ZNF189: variants seen among roughly 807,000 people sequenced by gnomAD.
ZNF189 encodes zinc finger protein 189.
A neutral mutation model predicts 53.5 loss-of-function variants in ZNF189; 33 were observed. The ratio of observed to expected loss-of-function variants is 0.62; its 90% CI spans 0.47 to 0.82. The LOEUF (loss-of-function observed/expected upper bound fraction) is 0.82. ZNF189 is among the 40% of genes least tolerant of loss of function. The pLI is 0.00. For synonymous variants in ZNF189, 247 were observed against 238.8 expected (o/e 1.03, Z -0.32); for missense variants, 711 against 753.9 (o/e 0.94, Z 0.67).
Position 101,409,192 on chromosome 9 carries a change from A to G in ZNF189, c.1424A>G (p.Gln475Arg), listed in dbSNP as rs1051563416. The change falls in exon 3 of 3, where the codon CAA becomes CGA. Residue 475 changes from glutamine to arginine, a missense_variant. Physicochemically the swap from Gln to Arg is conservative, Grantham distance 43. Transcript: ENST00000339664. ...FSVSAHLVQH[Q>R]RIHTGEKPYL... ...GTTAGTGCTCATCTTGTACAACATC[A>G]AAGAATCCACACTGGTGAAAAGCCC... The G allele has an allele frequency of 1.1e-5, 18 of 1,614,112 alleles. No homozygotes were observed. The highest frequency in any genetic ancestry group is 1.5e-5 in the Non-Finnish European group (18 of 1,180,016).
intron 1 of ZNF189, chr9:101,399,596 T>C (rs1023421471): frequency 1.3e-5 from 17 of 1,292,952 alleles, no homozygotes; most frequent in Admixed American, 7.7e-5. Context: ...AAATGGAAAA[T>C]TGAAGTAGGC....
In ZNF189 at chr9:101,399,207, C is replaced by G; in HGVS notation, c.33+18C>G. ...AGTCGAAGGTAAGTAAGCACCCCCC[C>G]GGGGATCCCGGTTGTCTCGCCGCTA... is the stretch of plus-strand genomic sequence containing the variant. On this transcript the variant is annotated intron_variant, in intron 1 of 2. Coordinates refer to ENST00000339664, the MANE Select transcript of ZNF189 (RefSeq NM_003452.4). 6.3e-7 allele frequency: 1 copy of G among 1,575,868 alleles called. No individual in the cohort carries two copies. The highest frequency in any genetic ancestry group is 8.7e-7 in the Non-Finnish European group (1 of 1,150,972).
intron 2 of ZNF189, among the ~76,000 whole-genome samples, chr9:101,401,349 G>A (rs1483829953): frequency 6.6e-6 from 1 of 152,144 alleles, no homozygotes; most frequent in East Asian, 1.9e-4. Context: ...AGGCCAATAA[G>A]CATGAACTCT....
At position 101,399,951 on chromosome 9, in the gene ZNF189, C is replaced by G; in HGVS notation, c.101C>G (p.Ala34Gly). 1 of 1,614,134 alleles carries G rather than the reference C, an allele frequency of 6.2e-7. No homozygotes were observed. Among genetic ancestry groups the G allele is most frequent in the Non-Finnish European group, 8.5e-7 (1 of 1,180,002 alleles). The change falls in exon 2 of 3, where the codon GCT becomes GGT. Residue 34 changes from alanine (A) to glycine (G), a missense_variant. Transcript: ENST00000339664. ...TQEEWDYLDP[A>G]QRSLYKDVMM... ...GAGGAGTGGGATTATCTGGACCCAG[C>G]TCAGAGAAGCCTGTATAAAGATGTC...
In ZNF189 at chr9:101,399,770, TATC is replaced by T. The variant is rs780753039; in HGVS notation, c.34-111_34-109del. Reference sequence around the variant, plus strand: ...TTGGGCAACATATGGAACTTTCAGTTATCATGTTCCTCCTAGCCTACTTGGCCA... The same window carrying T: ...TTGGGCAACATATGGAACTTTCAGTTATGTTCCTCCTAGCCTACTTGGCCA... On this transcript the variant is annotated intron_variant, in intron 1 of 2. Coordinates refer to ENST00000339664, the MANE Select transcript of ZNF189 (RefSeq NM_003452.4). The T allele has an allele frequency of 1.2e-3, 1,836 of 1,508,546 alleles. 26 individuals carry two copies. Among genetic ancestry groups the T allele is most frequent in the Middle Eastern group, 7.7e-3 (38 of 4,948 alleles). 93.4% of individuals were successfully genotyped at this position (1,508,546 alleles called of 1,614,324 possible). A position where few individuals can be genotyped will look rare whatever the true frequency, so the allele number is the denominator to read the frequency against.
At chr9:101,400,474 T>C (rs1830492761) in intron 2 of ZNF189, among the ~76,000 whole-genome samples, 1 of 152,218 alleles carries the variant, frequency 6.6e-6, no homozygotes, top group Admixed American at 6.5e-5. Flanking sequence ...GGGGAAGTTA[T>C]TGTTCACTCA....
rs769512658 is a variant in ZNF189 at position 101,409,489 on chromosome 9, A to C, written c.1721A>C (p.Asp574Ala). 1.9e-6 allele frequency: 3 copies of C among 1,614,170 alleles called. No homozygotes were observed. The South Asian group carries it at 3.3e-5, about 18-fold the overall frequency. The change falls in exon 3 of 3, where the codon GAC becomes GCC. Residue 574 changes from aspartate (D) to alanine (A), a missense_variant. By Grantham distance (126) the Asp-to-Ala change is moderately radical. Transcript: ENST00000339664. Reference sequence around the variant, plus strand: ...AAACCTTATAAGTGTGAGAAGTGCGACAAAAGTTTCAGTCAACAGCGCAGT... The same window carrying C: ...AAACCTTATAAGTGTGAGAAGTGCGCCAAAAGTTTCAGTCAACAGCGCAGT... ...GEKPYKCEKC[D>A]KSFSQQRSLV...
At chr9:101,406,914 T>C (rs1403095486) in intron 2 of ZNF189, among the ~76,000 whole-genome samples, 1 of 152,198 alleles carries the variant, frequency 6.6e-6, no homozygotes, top group Non-Finnish European at 1.5e-5. Context: ...AGCCTCTCAG[T>C]TGGAACAAGA....
At position 101,408,075 on chromosome 9, in the gene ZNF189, C is replaced by T; in HGVS notation, c.307C>T (p.Leu103Phe). 6.2e-7 allele frequency: 1 copy of T among 1,613,970 alleles called. No individual in the cohort carries two copies. The highest frequency in any genetic ancestry group is 1.1e-5 in the South Asian group (1 of 91,064). ...QDPMGRETFE[L>F]VGRLDKQRGI... ...TCCTATGGGTAGAGAAACATTTGAA[C>T]TTGTTGGTAGGTTAGATAAACAAAG... The change falls in exon 3 of 3, where the codon CTT becomes TTT. Residue 103 changes from leucine to phenylalanine, a missense_variant. Transcript: ENST00000339664.
In ZNF189 at chr9:101,399,957, G is replaced by T. The variant is rs61758382; in HGVS notation, c.107G>T (p.Arg36Ile). 1.2e-5 allele frequency: 19 copies of T among 1,614,064 alleles called. No individual in the cohort carries two copies. In the East Asian group the frequency reaches 4.2e-4, roughly 36 times the overall value. ...EEWDYLDPAQ[R>I]SLYKDVMMEN... is the part of the protein sequence containing the mutation. ...TGGGATTATCTGGACCCAGCTCAGA[G>T]AAGCCTGTATAAAGATGTCATGATG... The change falls in exon 2 of 3, where the codon AGA becomes ATA. Residue 36 changes from arginine (R) to isoleucine (I), a missense_variant. Transcript: ENST00000339664.
chr9:101,408,851 AC>A lies in ZNF189; in HGVS notation c.1084del (p.His362IlefsTer232). The A allele has an allele frequency of 6.2e-7, 1 of 1,614,178 alleles. No individual in the cohort carries two copies. Among genetic ancestry groups the A allele is most frequent in the Non-Finnish European group, 8.5e-7 (1 of 1,180,028 alleles). Reference sequence around the variant, plus strand: ...TCAGTCGGAGCTCATTCCTTATTGAACATCAGAGGATCCATACTGGTGAAAG... The same window carrying A: ...TCAGTCGGAGCTCATTCCTTATTGAAATCAGAGGATCCATACTGGTGAAAG... ...SFSRSSFLIE[H>X]QRIHTGERPY... On this transcript the variant is annotated frameshift_variant, in exon 3 of 3. Transcript: ENST00000339664. LOFTEE classifies it high-confidence loss of function.
Position 101,399,170 on chromosome 9 carries a change from G to A in ZNF189, c.14G>A (p.Ser5Asn). The A allele has an allele frequency of 6.3e-7, 1 of 1,592,436 alleles. No homozygotes were observed. Among genetic ancestry groups the A allele is most frequent in the Non-Finnish European group, 8.6e-7 (1 of 1,162,706 alleles). ...TCTGCCTGGGAGATGGCTTCCCCGA[G>A]CCCCCCGCCGGAGTCGAAGGTAAGT... is the stretch of plus-strand genomic sequence containing the variant. MASP[S>N]PPPESKGLLT... Residue 5 changes from serine (S) to asparagine (N), a missense_variant, in exon 1 of 3, where the codon AGC becomes AAC. By Grantham distance (46) the Ser-to-Asn change is conservative. Transcript: ENST00000339664.
Position 101,409,480 on chromosome 9 carries a change from A to G in ZNF189, c.1712A>G (p.Glu571Gly), listed in dbSNP as rs1280204167. ...IHTGEKPYKC[E>G]KCDKSFSQQR... is the part of the protein sequence containing the mutation. Reference sequence around the variant, plus strand: ...ACAGGAGAGAAACCTTATAAGTGTGAGAAGTGCGACAAAAGTTTCAGTCAA... The same window carrying G: ...ACAGGAGAGAAACCTTATAAGTGTGGGAAGTGCGACAAAAGTTTCAGTCAA... Residue 571 changes from glutamate to glycine, a missense_variant, in exon 3 of 3, where the codon GAG becomes GGG. Coordinates refer to ENST00000339664, the MANE Select transcript of ZNF189 (RefSeq NM_003452.4). 6.2e-7 allele frequency: 1 copy of G among 1,614,170 alleles called. No homozygotes were observed. The highest frequency in any genetic ancestry group is 8.5e-7 in the Non-Finnish European group (1 of 1,180,022).
rs10989492 is a variant in ZNF189, at chr9:101,408,430, G to A, written c.662G>A (p.Arg221Lys). Residue 221 changes from arginine to lysine, a missense_variant, in exon 3 of 3, where the codon AGA becomes AAA. Transcript: ENST00000339664. ...KTFSVSSTLIRHQRIHTGERP... is the reference protein window; with the variant it reads ...KTFSVSSTLIKHQRIHTGERP... Reference sequence around the variant, plus strand: ...TTTAGTGTGAGCTCAACCCTTATTAGACATCAGAGAATCCACACTGGAGAA... The same window carrying A: ...TTTAGTGTGAGCTCAACCCTTATTAAACATCAGAGAATCCACACTGGAGAA... 6.2e-7 allele frequency: 1 copy of A among 1,613,248 alleles called. No individual in the cohort carries two copies. The highest frequency in any genetic ancestry group is 8.5e-7 in the Non-Finnish European group (1 of 1,179,836).
rs1830790539 is a variant in ZNF189 at position 101,408,277 on chromosome 9, A to G, written c.509A>G (p.His170Arg). The G allele has an allele frequency of 4.3e-6, 7 of 1,614,066 alleles. No individual in the cohort carries two copies. Among genetic ancestry groups the G allele is most frequent in the Non-Finnish European group, 5.9e-6 (7 of 1,180,034 alleles). Residue 170 changes from histidine (H) to arginine (R), a missense_variant, in exon 3 of 3, where the codon CAT (histidine) becomes CGT (arginine). Transcript: ENST00000339664. ...CATTTCATTCAACATCAAAGGGTCC[A>G]TACTGGTGAGAAACCTTTTCAGTGC... ...KAHFIQHQRV[H>R]TGEKPFQCNE...
At position 101,409,430 on chromosome 9, in the gene ZNF189, T is replaced by C. The variant is rs1374719052; in HGVS notation, c.1662T>C (p.Gly554=). The C allele has an allele frequency of 6.2e-7, 1 of 1,614,164 alleles. No homozygotes were observed. Among genetic ancestry groups the C allele is most frequent in the South Asian group, 1.1e-5 (1 of 91,082 alleles). ...ECGKAFSRNS[G]LIQHQRIHTG... is the part of the protein sequence containing the mutation. Reference sequence around the variant, plus strand: ...GAAAGGCCTTTAGCCGGAACTCGGGTCTTATTCAGCATCAGAGAATACACA... The same window carrying C: ...GAAAGGCCTTTAGCCGGAACTCGGGCCTTATTCAGCATCAGAGAATACACA... Residue 554 remains glycine (G), a synonymous_variant, in exon 3 of 3, where the codon GGT becomes GGC. Transcript: ENST00000339664.
Position 101,408,056 on chromosome 9 carries a change from G to A in ZNF189, c.288G>A (p.Met96Ile). The A allele has an allele frequency of 1.2e-6, 2 of 1,614,002 alleles. No homozygotes were observed. The highest frequency in any genetic ancestry group is 1.1e-5 in the South Asian group (1 of 91,054). ...RIKSEIDQDP[M>I]GRETFELVGR... ...AAAGTGAAATTGACCAGGATCCTATGGGTAGAGAAACATTTGAACTTGTTG... is the reference window on the plus strand; with the variant it reads ...AAAGTGAAATTGACCAGGATCCTATAGGTAGAGAAACATTTGAACTTGTTG... The change falls in exon 3 of 3, where the codon ATG becomes ATA. Residue 96 changes from methionine (M) to isoleucine (I), a missense_variant. Met to Ile is a conservative substitution (Grantham distance 10, BLOSUM62 1). Coordinates refer to ENST00000339664, the MANE Select transcript of ZNF189 (RefSeq NM_003452.4).
chr9:101,399,990 A>G lies in ZNF189; in HGVS notation c.140A>G (p.Tyr47Cys), dbSNP rs762384197. Residue 47 changes from tyrosine to cysteine, a missense_variant, in exon 2 of 3, where the codon TAT (tyrosine) becomes TGT (cysteine). By Grantham distance (194) the Tyr-to-Cys change is radical (BLOSUM62 -2). Coordinates refer to ENST00000339664, the MANE Select transcript of ZNF189 (RefSeq NM_003452.4). ...SLYKDVMMENYGNLVSLDVLN... is the reference protein window; with the variant it reads ...SLYKDVMMENCGNLVSLDVLN... The stretch of plus-strand genomic sequence containing the variant: ...TATAAAGATGTCATGATGGAGAATT[A>G]TGGAAACCTGGTCTCACTGGGTAAG... 7.2e-5 allele frequency: 116 copies of G among 1,614,180 alleles called. No homozygotes were observed. In the East Asian group the frequency reaches 2.2e-3, roughly 31 times the overall value.
rs1278186697 is a variant in ZNF189 at position 101,399,889 on chromosome 9, G to A, written c.39G>A (p.Leu13=). The A allele has an allele frequency of 2.5e-6, 4 of 1,614,048 alleles. No homozygotes were observed. In the East Asian group the frequency reaches 6.7e-5, roughly 27 times the overall value. The change falls in exon 2 of 3, where the codon TTG becomes TTA. Residue 13 remains leucine (L), a synonymous_variant. Transcript: ENST00000339664. ...CAGAAATCATACTATTTCAGGGGTT[G>A]CTGACATTTGAGGATGTGGCTGTGT... is the stretch of plus-strand genomic sequence containing the variant. ...SPSPPPESKG[L]LTFEDVAVFF... is the part of the protein sequence containing the mutation.
Sources: allele counts gnomAD v4.1 joint callset (sites outside exome capture counted in the v4.1 genomes callset), GRCh38; gene constraint gnomAD v4.1.1; transcripts MANE v1.5; gene names NCBI Gene and HGNC (gene_info 2026-07-23, HGNC 2026-07-21).